The following CTTNBP2 variants were observed in gnomAD, a reference collection of about 807,000 sequenced individuals.
CTTNBP2 encodes cortactin-binding protein 2.
A neutral mutation model predicts 156.9 loss-of-function variants in CTTNBP2; 108 were observed. That is an observed-to-expected ratio of 0.69 (90% CI 0.59 to 0.81). The LOEUF is 0.81. CTTNBP2 is among the 30% of genes least tolerant of loss of function. CTTNBP2 has a pLI of 0.00. For missense variants in CTTNBP2, 1,924 were observed against 2,035.4 expected, an observed-to-expected ratio of 0.95 and a Z score of 1.05; for synonymous variants, 767 against 751.8, an observed-to-expected ratio of 1.02 and a Z score of -0.33.
chr7:117,811,091 A>G (rs1800248293), intron 2 of CTTNBP2, 102 bp from the exon 3 acceptor site: 8 of 853,352 alleles, frequency 9.4e-6, no homozygotes, highest in South Asian at 1.7e-5. Context: ...GGTATTCTCA[A>G]CTGCTGTGAG....
At position 117,782,869 on chromosome 7, in the gene CTTNBP2, G is replaced by C; in HGVS notation, c.2365C>G (p.His789Asp). 6.2e-7 allele frequency: 1 copy of C among 1,611,944 alleles called. No individual in the cohort carries two copies. The highest frequency in any genetic ancestry group is 1.7e-5 in the Admixed American group (1 of 59,840). Reference sequence around the variant, plus strand: ...GAATTAAGAGCAACTTACTCGAAATGTCCCTGAGCAGCTGCAGCACACAAG... The same window carrying C: ...GAATTAAGAGCAACTTACTCGAAATCTCCCTGAGCAGCTGCAGCACACAAG... ...TPLCAAAAQG[H>D]FECVELLISY... Residue 789 changes from histidine (H) to aspartate (D), a missense_variant, in exon 6 of 23, where the codon CAT (histidine) becomes GAT (aspartate). His to Asp is a moderately conservative substitution (Grantham distance 81). Transcript: ENST00000160373.
At chr7:117,849,177 C>T (rs1180586739) in intron 2 of CTTNBP2, among the ~76,000 whole-genome samples, 1 of 152,194 alleles carries the variant, frequency 6.6e-6, no homozygotes, top group Non-Finnish European at 1.5e-5. Flanking sequence ...CCTTTCCAAC[C>T]CTGACACCTA....
chr7:117,727,368 T>G (rs1584903839), intron 17 of CTTNBP2, among the ~76,000 whole-genome samples: 1 of 152,292 alleles, frequency 6.6e-6, no homozygotes, highest in East Asian at 1.9e-4. Flanking sequence ...GCTAATTTTT[T>G]TTTTTAAATA....
At chr7:117,723,726 G>A (rs1027744623) in intron 19 of CTTNBP2, among the ~76,000 whole-genome samples, 17 of 149,804 alleles carry the variant, frequency 1.1e-4, no homozygotes, top group African/African-American at 3.9e-4. Flanking sequence ...CAATTTATTA[G>A]AATATAAACT....
chr7:117,826,005 C>A (rs147803311), intron 2 of CTTNBP2, among the ~76,000 whole-genome samples: 88 of 152,280 alleles, frequency 5.8e-4, no homozygotes, highest in South Asian at 1.0e-3. Context: ...AGGTATCTAG[C>A]ATGCTGGGTG....
intron 2 of CTTNBP2, among the ~76,000 whole-genome samples, chr7:117,832,071 A>G (rs902020265): frequency 3.9e-5 from 6 of 152,072 alleles, no homozygotes; most frequent in African/African-American, 9.7e-5. Context: ...TGAACTCTTC[A>G]TCTTTCCCAC....
chr7:117,846,614 T>C (rs1802601154), intron 2 of CTTNBP2, among the ~76,000 whole-genome samples: 1 of 152,086 alleles, frequency 6.6e-6, no homozygotes, highest in South Asian at 2.1e-4. Context: ...ATAATGCTAT[T>C]TACACTGTTA....
At chr7:117,758,424 A>G (rs570608248) in intron 10 of CTTNBP2, among the ~76,000 whole-genome samples, 2 of 152,200 alleles carry the variant, frequency 1.3e-5, no homozygotes, top group East Asian at 3.9e-4. Context: ...AAAAAAAAAA[A>G]AGATAATTTC....
intron 2 of CTTNBP2, among the ~76,000 whole-genome samples, chr7:117,811,818 T>C (rs1009608255): frequency 6.7e-6 from 1 of 149,178 alleles, no homozygotes; most frequent in African/African-American, 2.4e-5. Flanking sequence ...ATGTAAAAAT[T>C]TTAATTAAAT....
chr7:117,758,052 G>A, intron 10 of CTTNBP2, 82 bp from the exon 11 acceptor site: 2 of 968,780 alleles, frequency 2.1e-6, no homozygotes, highest in East Asian at 5.2e-5. Flanking sequence ...GCTCTCTTCT[G>A]TGAGAACCCT....
At chr7:117,800,571 G>A (rs1050666585) in intron 3 of CTTNBP2, among the ~76,000 whole-genome samples, 7 of 151,964 alleles carry the variant, frequency 4.6e-5, no homozygotes, top group Admixed American at 2.6e-4. Flanking sequence ...CTTATACAGC[G>A]GTATGAGTAA....
chr7:117,832,737 CTTTTTTTTTTTTTTT>C (rs927988376), intron 2 of CTTNBP2, among the ~76,000 whole-genome samples: 1 of 112,996 alleles, frequency 8.8e-6, no homozygotes, highest in Non-Finnish European at 1.8e-5. Flanking sequence ...ATTCATCAAC[CTTTTTTTTTTTTTTT>C]TTTTTTTTTT....
intron 9 of CTTNBP2, among the ~76,000 whole-genome samples, chr7:117,763,555 C>CTTTTTTTTTTTTTTTTT (rs767309488): frequency 9.7e-6 from 1 of 103,456 alleles, no homozygotes; most frequent in African/African-American, 3.8e-5. Flanking sequence ...TCTTCTTCTT[C>CTTTTTTTTTTTTTTTTT]TTTTTTTTTT....
intron 1 of CTTNBP2, among the ~76,000 whole-genome samples, chr7:117,862,305 T>TGTGGG (rs1803812759): frequency 7.9e-6 from 1 of 126,444 alleles, no homozygotes; most frequent in Admixed American, 8.5e-5. Context: ...GAGCCCTAGG[T>TGTGGG]GTGGGGTGGG....
At chr7:117,742,806 A>G (rs1337087836) in intron 14 of CTTNBP2, among the ~76,000 whole-genome samples, 1 of 152,220 alleles carries the variant, frequency 6.6e-6, no homozygotes, top group African/African-American at 2.4e-5. Flanking sequence ...ACAAAATCCC[A>G]AAGTTTTTAC....
rs536258181 is a variant in CTTNBP2 at position 117,787,258 on chromosome 7, C to G, written c.2069-2804G>C. Among the ~76,000 whole-genome samples, 6 of 152,262 alleles carry G rather than the reference C, an allele frequency of 3.9e-5. No individual in the cohort carries two copies. The East Asian group carries it at 5.8e-4, about 15-fold the overall frequency. On this transcript the variant is annotated intron_variant, in intron 4 of 22. Coordinates refer to ENST00000160373, the MANE Select transcript of CTTNBP2 (RefSeq NM_033427.3). ...CATACAGCTACTCTAATGATGTTAG[C>G]AAAAGGTCAATCAGTTTTGCAGTGT... is the stretch of plus-strand genomic sequence containing the variant.
Position 117,792,706 on chromosome 7 carries a change from G to A in CTTNBP2, c.490C>T (p.Arg164Cys), listed in dbSNP as rs756432556. Residue 164 changes from arginine to cysteine, a missense_variant, in exon 4 of 23, where the codon CGT becomes TGT. Coordinates refer to ENST00000160373, the MANE Select transcript of CTTNBP2 (RefSeq NM_033427.3). The surrounding 1 kb of genome is among the most constrained non-coding windows in gnomAD (Gnocchi z 4.2). ...AGGACCACCTGCTTGTTCTTGCCAC[G>A]CTCTTCCTCAAGGCGGGCAGCCAGC... ...KKLAARLEEERGKNKQVVLML... is the reference protein window; with the variant it reads ...KKLAARLEEECGKNKQVVLML... The A allele has an allele frequency of 5.3e-5, 86 of 1,611,572 alleles. 1 individual carries two copies. Among genetic ancestry groups the A allele is most frequent in the Admixed American group, 4.8e-4 (29 of 59,834 alleles).
At chr7:117,711,832 T>G in intron 22 of CTTNBP2, 50 bp from the exon 23 acceptor site, 2 of 1,564,932 alleles carry the variant, frequency 1.3e-6, no homozygotes, top group South Asian at 2.4e-5. Context: ...TCTCCTGTTA[T>G]GAGCCCTACC....
chr7:117,728,038 A>C, intron 17 of CTTNBP2, 51 bp downstream of exon 17: 11 of 1,495,270 alleles, frequency 7.4e-6, no homozygotes, highest in East Asian at 2.3e-5. Context: ...AAACATCTGA[A>C]TTGGCCACGT....
Sources: gnomAD v4.1 joint callset for allele counts (sites outside exome capture counted in the v4.1 genomes callset) on GRCh38, gnomAD v4.1.1 for gene constraint, Gnocchi (gnomAD v3.1) non-coding constraint, MANE v1.5 for transcripts, NCBI Gene and HGNC (gene_info 2026-07-23, HGNC 2026-07-21) for gene names.